The following NCAM2 variants were observed in gnomAD, a reference collection of about 807,000 sequenced individuals.
The protein encoded by NCAM2 is neural cell adhesion molecule 2.
Under a neutral mutation model 98.1 loss-of-function variants are expected in NCAM2, and 30 were observed. The ratio of observed to expected loss-of-function variants is 0.31; its 90% confidence interval spans 0.23 to 0.41. The LOEUF (loss-of-function observed/expected upper bound fraction) is 0.41, where lower values mean the gene tolerates loss of function less well. Among genes scored for constraint, NCAM2 ranks in the 10% least tolerant of loss-of-function variants. NCAM2 has a pLI of 1.00. For missense variants in NCAM2, 867 were observed against 1,005.8 expected, an observed-to-expected ratio of 0.86 and a Z score of 1.87; for synonymous variants, 368 against 342.4, an observed-to-expected ratio of 1.07 and a Z score of -0.83.
chr21:21,100,743 T>A (rs756340847), intron 1 of NCAM2, among the ~76,000 whole-genome samples: 1 of 152,030 alleles, frequency 6.6e-6, no homozygotes, highest in Non-Finnish European at 1.5e-5. Context: ...TCTGTTTAGG[T>A]GTCTGGCCTA....
At position 21,251,490 on chromosome 21, in the gene NCAM2, G is replaced by GT. The variant is rs1293293116; in HGVS notation, c.56-29082dup. Among the ~76,000 whole-genome samples the GT allele has an allele frequency of 3.9e-5, 6 of 152,164 alleles. No individual in the cohort carries two copies. The East Asian group carries it at 9.7e-4, about 25-fold the overall frequency. ...TCCCTGCAAAGGACATGATCTCATT[G>GT]TTTTTTATGGCTACATAGTATTCCA... On this transcript the variant is annotated intron_variant, in intron 1 of 17. Coordinates refer to ENST00000400546, the MANE Select transcript of NCAM2 (RefSeq NM_004540.5).
intron 1 of NCAM2, among the ~76,000 whole-genome samples, chr21:21,079,535 T>G (rs1303094924): frequency 6.6e-6 from 1 of 152,122 alleles, no homozygotes; most frequent in Non-Finnish European, 1.5e-5. Flanking sequence ...GAAATGAATA[T>G]CATGTTTTCT....
chr21:21,488,756 G>C (rs1217606009), intron 15 of NCAM2, among the ~76,000 whole-genome samples: 1 of 151,666 alleles, frequency 6.6e-6, no homozygotes, highest in Non-Finnish European at 1.5e-5. Context: ...AGCTTGAAAT[G>C]ATCAATTCTG....
chr21:21,013,160 G>C (rs2064240921), intron 1 of NCAM2, among the ~76,000 whole-genome samples: 1 of 152,156 alleles, frequency 6.6e-6, no homozygotes, highest in Non-Finnish European at 1.5e-5. Flanking sequence ...AGTTTAGTGA[G>C]GAAGGCATAT....
intron 1 of NCAM2, among the ~76,000 whole-genome samples, chr21:21,072,754 T>A (rs1480614042): frequency 6.6e-6 from 1 of 152,116 alleles, no homozygotes; most frequent in Admixed American, 6.5e-5. Context: ...TGACTTCTAT[T>A]TAATTTTAAT....
chr21:21,460,392 A>G lies in NCAM2; in HGVS notation c.1655-6214A>G, dbSNP rs553838708. ...CTCCCTTTACTGGTGTAGGAAATGG[A>G]GAATGTAACCAAACTCTGTTAGTTC... On this transcript the variant is annotated intron_variant, in intron 12 of 17. Transcript: ENST00000400546. 2.0e-5 allele frequency among the ~76,000 whole-genome samples: 3 copies of G among 152,050 alleles called. No individual in the cohort carries two copies. The East Asian group carries it at 5.8e-4, about 29-fold the overall frequency.
chr21:21,232,280 A>G (rs2070659981), intron 1 of NCAM2, among the ~76,000 whole-genome samples: 1 of 151,682 alleles, frequency 6.6e-6, no homozygotes, highest in Non-Finnish European at 1.5e-5. Flanking sequence ...TTTTTGAACA[A>G]CACATAAATG....
chr21:21,026,808 C>T (rs1239796720), intron 1 of NCAM2, among the ~76,000 whole-genome samples: 1 of 150,080 alleles, frequency 6.7e-6, no homozygotes, highest in Admixed American at 6.6e-5. Flanking sequence ...TTTCTTAATC[C>T]TATATGAGAT....
rs543092318 is a variant in NCAM2, at chr21:21,335,614, G to T, written c.847G>T (p.Ala283Ser). 27 of 1,610,786 alleles carry T rather than the reference G, an allele frequency of 1.7e-5. No homozygotes were observed. The South Asian group carries it at 2.5e-4, about 15-fold the overall frequency. Residue 283 changes from alanine (A) to serine (S), a missense_variant, in exon 7 of 18, where the codon GCC becomes TCC. By Grantham distance (99) the Ala-to-Ser change is moderately conservative (BLOSUM62 1). Around this residue, in one of 5 missense-constraint regions of NCAM2, gnomAD observed 447 missense variants for 495.7 expected, o/e 0.90. Coordinates refer to ENST00000400546, the MANE Select transcript of NCAM2 (RefSeq NM_004540.5). ...TGATGGTGGTCCTTATGTCTGCAGG[G>T]CCACAAATAAGGCAGGAGAAGATGA... ...NSDGGPYVCR[A>S]TNKAGEDEKQ...
chr21:21,073,337 T>C (rs930797865), intron 1 of NCAM2, among the ~76,000 whole-genome samples: 1 of 152,206 alleles, frequency 6.6e-6, no homozygotes, highest in Non-Finnish European at 1.5e-5. Context: ...TTAAGTTTTA[T>C]AGTTTATAGT....
intron 1 of NCAM2, among the ~76,000 whole-genome samples, chr21:21,194,060 TATG>T (rs1244309577): frequency 2.0e-5 from 3 of 152,062 alleles, no homozygotes; most frequent in African/African-American, 4.8e-5. Context: ...AGAATGAAAA[TATG>T]ATGACACGTA....
At chr21:21,442,826 T>G in intron 12 of NCAM2, among the ~76,000 whole-genome samples, 1 of 152,202 alleles carries the variant, frequency 6.6e-6, no homozygotes, top group East Asian at 1.9e-4. Context: ...ATGGCACTAC[T>G]AAAAATAATA....
chr21:21,332,478 G>A (rs578179200), intron 6 of NCAM2, among the ~76,000 whole-genome samples: 1 of 152,180 alleles, frequency 6.6e-6, no homozygotes, highest in Non-Finnish European at 1.5e-5. Flanking sequence ...TGGTTGAATT[G>A]CAGATTATTC....
chr21:21,109,914 T>C (rs1197970764), intron 1 of NCAM2, among the ~76,000 whole-genome samples: 1 of 152,204 alleles, frequency 6.6e-6, no homozygotes, highest in Non-Finnish European at 1.5e-5. Flanking sequence ...ATTTTCTGTG[T>C]ATAATTCAAG....
intron 12 of NCAM2, among the ~76,000 whole-genome samples, chr21:21,433,810 G>T (rs1368427160): frequency 7.5e-6 from 1 of 134,086 alleles, no homozygotes; most frequent in African/African-American, 2.8e-5. Flanking sequence ...ATAAAAGAGA[G>T]AAAAAGGAGG....
intron 1 of NCAM2, among the ~76,000 whole-genome samples, chr21:21,072,989 A>C (rs2065604337): frequency 7.0e-6 from 1 of 143,108 alleles, no homozygotes; most frequent in Non-Finnish European, 1.5e-5. Flanking sequence ...ATTCCCTCCT[A>C]CCTCCAGTCC....
chr21:21,295,988 A>C (rs749590942), intron 5 of NCAM2, among the ~76,000 whole-genome samples: 3 of 151,858 alleles, frequency 2.0e-5, no homozygotes, highest in African/African-American at 2.4e-5. Flanking sequence ...TGAGGTATTG[A>C]AAATTTAGCT....
intron 12 of NCAM2, among the ~76,000 whole-genome samples, chr21:21,452,393 T>G (rs1351719700): frequency 6.8e-6 from 1 of 147,712 alleles, no homozygotes; most frequent in East Asian, 2.0e-4. Context: ...TTTGAATTGC[T>G]AGAGATTCCA....
At chr21:21,355,181 T>G (rs1396960173) in intron 8 of NCAM2, among the ~76,000 whole-genome samples, 1 of 151,960 alleles carries the variant, frequency 6.6e-6, no homozygotes, top group Non-Finnish European at 1.5e-5. Flanking sequence ...AGCCTGTAAT[T>G]CCAGCACTTT....
Sources: allele counts gnomAD v4.1 joint callset (sites outside exome capture counted in the v4.1 genomes callset), GRCh38; gene constraint gnomAD v4.1.1; regional missense constraint gnomAD v4.1.1; transcripts MANE v1.5; gene names NCBI Gene and HGNC (gene_info 2026-07-23, HGNC 2026-07-21).